Variants in CR1L observed in about 807,000 individuals in gnomAD.
The protein encoded by CR1L is complement C3b/C4b receptor 1 like.
Under a neutral mutation model 62.3 loss-of-function variants are expected in CR1L, and 59 were observed. The ratio of observed to expected loss-of-function variants is 0.95; its 90% CI spans 0.77 to 1.18. CR1L has a LOEUF of 1.18. CR1L is among the 50% of genes most tolerant of loss of function. CR1L has a pLI of 0.00. For missense variants in CR1L, 700 were observed against 702.8 expected, an observed-to-expected ratio of 1.00 and a Z score of 0.04; for synonymous variants, 279 against 248.7, an observed-to-expected ratio of 1.12 and a Z score of -1.15.
chr1:207,708,892 G>A, intron 10 of CR1L: 1 of 400,406 alleles, frequency 2.5e-6, no homozygotes, highest in Non-Finnish European at 5.0e-6. Context: ...ATACTGGCTG[G>A]GCACTGCCCT....
chr1:207,714,176 A>G (rs1473993555), intron 10 of CR1L, among the ~76,000 whole-genome samples: 1 of 152,226 alleles, frequency 6.6e-6, no homozygotes, highest in East Asian at 1.9e-4. Context: ...TGGACCCCAG[A>G]TGAAGTCAGG....
At chr1:207,651,784 T>C (rs1314027568) in intron 1 of CR1L, among the ~76,000 whole-genome samples, 1 of 152,212 alleles carries the variant, frequency 6.6e-6, no homozygotes, top group African/African-American at 2.4e-5. Flanking sequence ...AGAGAATGCA[T>C]GATGCAATGA....
At chr1:207,671,900 G>A (rs1304096594) in intron 1 of CR1L, among the ~76,000 whole-genome samples, 1 of 150,762 alleles carries the variant, frequency 6.6e-6, no homozygotes, top group Non-Finnish European at 1.5e-5. Flanking sequence ...CAGCCTGGGC[G>A]AAAGAGTGAG....
chr1:207,647,728 C>T (rs180752535), intron 1 of CR1L, among the ~76,000 whole-genome samples: 13 of 152,188 alleles, frequency 8.5e-5, no homozygotes, highest in Non-Finnish European at 1.5e-5. Flanking sequence ...TCTGTTGTAC[C>T]TAAAAAGCTA....
At chr1:207,645,429 C>A in intron 1 of CR1L, 99 bp downstream of exon 1, 1 of 1,352,448 alleles carries the variant, frequency 7.4e-7, no homozygotes, top group Non-Finnish European at 1.1e-6. Flanking sequence ...GCACGTCGTG[C>A]CTGCTTGGGA....
At chr1:207,656,165 G>C (rs1663307397) in intron 1 of CR1L, among the ~76,000 whole-genome samples, 1 of 152,106 alleles carries the variant, frequency 6.6e-6, no homozygotes, top group Non-Finnish European at 1.5e-5. Context: ...GTGAACCCGG[G>C]AGGCGGAGCT....
At chr1:207,663,559 G>A (rs1334506795) in intron 1 of CR1L, among the ~76,000 whole-genome samples, 1 of 152,226 alleles carries the variant, frequency 6.6e-6, no homozygotes, top group Non-Finnish European at 1.5e-5. Context: ...TCTTTGACTA[G>A]GAAAGGGAAT....
chr1:207,657,097 C>T (rs574018758), intron 1 of CR1L: 1 of 657,742 alleles, frequency 1.5e-6, no homozygotes, highest in African/African-American at 1.8e-5. Flanking sequence ...TTTTACATTT[C>T]TTTCCTCTTT....
At chr1:207,677,337 A>AAAAAT in intron 1 of CR1L, 52 bp from the exon 2 acceptor site, 3 of 886,536 alleles carry the variant, frequency 3.4e-6, no homozygotes, top group South Asian at 2.9e-5. Flanking sequence ...AAAAAAAAAA[A>AAAAAT]GTATGGTAAT....
intron 4 of CR1L, among the ~76,000 whole-genome samples, chr1:207,684,398 GC>G (rs1270855497): frequency 6.6e-6 from 1 of 152,170 alleles, no homozygotes; most frequent in Non-Finnish European, 1.5e-5. Flanking sequence ...TCAGAAGTGG[GC>G]ATGTATTTTA....
At chr1:207,669,110 GC>G (rs1663567701) in intron 1 of CR1L, 2 of 256,106 alleles carry the variant, frequency 7.8e-6, no homozygotes, top group South Asian at 8.6e-5. Context: ...GAGGTGAGTT[GC>G]CATCATCCAC....
chr1:207,699,639 C>T (rs1454997637), intron 8 of CR1L, among the ~76,000 whole-genome samples: 4 of 152,134 alleles, frequency 2.6e-5, no homozygotes, highest in Admixed American at 2.6e-4. Context: ...CTCCCTCTCT[C>T]CTTCCTTCTT....
intron 3 of CR1L, among the ~76,000 whole-genome samples, chr1:207,682,972 C>CTTTCTTTCTTT (rs879355334): frequency 7.1e-6 from 1 of 141,624 alleles, no homozygotes; most frequent in African/African-American, 2.6e-5. Flanking sequence ...TTCTTTCTTT[C>CTTTCTTTCTTT]TTTCTTTCTT....
intron 10 of CR1L, chr1:207,708,965 G>A: frequency 2.8e-6 from 1 of 353,988 alleles, no homozygotes; most frequent in Non-Finnish European, 5.5e-6. Context: ...TGCATTCAGG[G>A]TGGTATGGCT....
At chr1:207,685,630 C>T (rs1663888158) in intron 4 of CR1L, among the ~76,000 whole-genome samples, 1 of 152,164 alleles carries the variant, frequency 6.6e-6, no homozygotes, top group South Asian at 2.1e-4. Context: ...TCCTTTGGTC[C>T]CCAAGTGAAT....
intron 9 of CR1L, 131 bp from the exon 10 acceptor site, chr1:207,708,047 C>T (rs1256105129): frequency 5.6e-6 from 6 of 1,079,220 alleles, no homozygotes; most frequent in Non-Finnish European, 8.4e-6. Context: ...AAGCTGGGAA[C>T]AATAGGTAAA....
intron 11 of CR1L, among the ~76,000 whole-genome samples, chr1:207,723,285 C>T (rs2102487240): frequency 6.6e-6 from 1 of 152,148 alleles, no homozygotes; most frequent in Admixed American, 6.6e-5. Context: ...CAAAAATTAG[C>T]TGGGTGTGGT....
intron 8 of CR1L, 45 bp downstream of exon 8, chr1:207,699,319 CT>C (rs1328204949): frequency 1.2e-6 from 2 of 1,608,580 alleles, no homozygotes; most frequent in Non-Finnish European, 1.7e-6. Flanking sequence ...TCCCCTTCAT[CT>C]GTTCAGTATT....
intron 1 of CR1L, among the ~76,000 whole-genome samples, chr1:207,674,735 C>T (rs1253715250): frequency 6.6e-6 from 1 of 152,148 alleles, no homozygotes; most frequent in Non-Finnish European, 1.5e-5. Flanking sequence ...AGGAGAGCTC[C>T]ACTTGGAATC....
Sources: allele counts gnomAD v4.1 joint callset (sites outside exome capture counted in the v4.1 genomes callset), GRCh38; gene constraint gnomAD v4.1.1; transcripts MANE v1.5; gene names NCBI Gene and HGNC (gene_info 2026-07-23, HGNC 2026-07-21).